The following MMP16 variants were observed in gnomAD, a reference collection of about 807,000 sequenced individuals.
MMP16 encodes the protein matrix metallopeptidase 16.
A neutral mutation model predicts 67.8 loss-of-function variants in MMP16; 12 were observed. That is an observed-to-expected ratio of 0.18 (90% CI 0.11 to 0.29). The LOEUF is 0.29. Among genes scored for constraint, MMP16 ranks in the 10% least tolerant of loss-of-function variants. The pLI, the probability that MMP16 is intolerant of heterozygous loss-of-function variation, is 1.00. For synonymous variants in MMP16, 249 were observed against 255.9 expected, an observed-to-expected ratio of 0.97 and a Z score of 0.26; for missense variants, 475 against 765.7, an observed-to-expected ratio of 0.62 and a Z score of 4.48.
intron 2 of MMP16, among the ~76,000 whole-genome samples, chr8:88,195,953 A>C (rs1809242790): frequency 6.6e-6 from 1 of 152,298 alleles, no homozygotes; most frequent in Non-Finnish European, 1.5e-5. Flanking sequence ...TAGATGGCAA[A>C]ATTTTGAAAT....
intron 1 of MMP16, among the ~76,000 whole-genome samples, chr8:88,226,997 T>C (rs1260157454): frequency 6.6e-6 from 1 of 152,058 alleles, no homozygotes; most frequent in Non-Finnish European, 1.5e-5. Context: ...CTGGATATTG[T>C]TTCTTCTTCT....
At chr8:88,055,649 T>G (rs1179038245) in intron 8 of MMP16, among the ~76,000 whole-genome samples, 1 of 152,236 alleles carries the variant, frequency 6.6e-6, no homozygotes, top group African/African-American at 2.4e-5. Context: ...CAGTGATAGT[T>G]TGACTATGGT....
At chr8:88,206,324 TATG>T (rs1056699032) in intron 1 of MMP16, among the ~76,000 whole-genome samples, 3 of 152,068 alleles carry the variant, frequency 2.0e-5, no homozygotes, top group Non-Finnish European at 4.4e-5. Flanking sequence ...GTGGTTTCGT[TATG>T]ATGATGATGA....
chr8:88,191,881 T>C (rs773733433), intron 2 of MMP16, among the ~76,000 whole-genome samples: 10 of 152,182 alleles, frequency 6.6e-5, no homozygotes, highest in Non-Finnish European at 1.5e-4. Context: ...GGAAACGTCA[T>C]CCCTTGCAGC....
chr8:88,123,452 T>C (rs777653836), intron 4 of MMP16, among the ~76,000 whole-genome samples: 4 of 151,706 alleles, frequency 2.6e-5, no homozygotes, highest in Non-Finnish European at 5.9e-5. Context: ...GTTGTACCTA[T>C]GCTATTACTC....
intron 4 of MMP16, among the ~76,000 whole-genome samples, chr8:88,123,674 C>T (rs931449038): frequency 1.3e-5 from 2 of 151,878 alleles, no homozygotes; most frequent in African/African-American, 4.8e-5. Flanking sequence ...CAGTAAAGCT[C>T]TCAGAGGCTA....
intron 6 of MMP16, among the ~76,000 whole-genome samples, chr8:88,081,156 C>A (rs1808744695): frequency 6.6e-6 from 1 of 152,032 alleles, no homozygotes. Context: ...AACACTAAGC[C>A]TAAGACAGAC....
intron 6 of MMP16, among the ~76,000 whole-genome samples, chr8:88,104,346 T>G (rs2118389053): frequency 6.6e-6 from 1 of 151,884 alleles, no homozygotes; most frequent in Middle Eastern, 3.4e-3. Flanking sequence ...TCTTCATAAT[T>G]AATGTTTCAA....
rs1406955771 is a variant in MMP16 at position 88,033,063 on chromosome 8, T to C, written c.*8398A>G. ...TTTAATGTTATTTAAATAAAGTCTG[T>C]ATTAATTTTAATTCTTTTACTTTCC... On this transcript the variant is annotated 3_prime_UTR_variant, in exon 10 of 10. Transcript: ENST00000286614. 3.3e-5 allele frequency: 5 copies of C among 152,006 alleles called. 1 individual carries two copies. Among genetic ancestry groups the C allele is most frequent in the Middle Eastern group, 6.3e-3 (2 of 316 alleles). The allele number at this position is 152,006 out of a possible 1,614,324, so 9.4% of individuals were successfully genotyped here.
intron 7 of MMP16, among the ~76,000 whole-genome samples, chr8:88,074,023 T>C (rs1479294135): frequency 6.6e-6 from 1 of 152,200 alleles, no homozygotes; most frequent in African/African-American, 2.4e-5. Flanking sequence ...GGCAGTTGCC[T>C]AAGTTCACTT....
intron 7 of MMP16, among the ~76,000 whole-genome samples, chr8:88,064,990 C>G (rs1292281675): frequency 1.3e-5 from 2 of 152,052 alleles, no homozygotes; most frequent in Admixed American, 1.3e-4. Context: ...TGGGCCAAGG[C>G]TACACTCTTC....
intron 6 of MMP16, among the ~76,000 whole-genome samples, chr8:88,104,045 C>T (rs1390502510): frequency 6.6e-6 from 1 of 151,658 alleles, no homozygotes; most frequent in Non-Finnish European, 1.5e-5. Flanking sequence ...AAGGTTTTGC[C>T]TATTTTATTT....
chr8:88,269,931 C>T (rs956393582), intron 1 of MMP16, among the ~76,000 whole-genome samples: 1 of 152,164 alleles, frequency 6.6e-6, no homozygotes, highest in East Asian at 1.9e-4. Context: ...ACTAAAATAT[C>T]TCATATTATA....
At position 88,322,860 on chromosome 8, in the gene MMP16, G is replaced by C. The variant is rs145975054; in HGVS notation, c.132+4215C>G. Among the ~76,000 whole-genome samples, 113 of 152,142 alleles carry C rather than the reference G, an allele frequency of 7.4e-4. 2 individuals carry two copies. The highest frequency in any genetic ancestry group is 3.5e-3 in the South Asian group (17 of 4,806). ...TGAGTGATCCGGCCCAGGCAACTCTGAACAGAGAGGCATAGTCAAGGTAGA... is the reference window on the plus strand; with the variant it reads ...TGAGTGATCCGGCCCAGGCAACTCTCAACAGAGAGGCATAGTCAAGGTAGA... On this transcript the variant is annotated intron_variant, in intron 1 of 9. Transcript: ENST00000286614.
chr8:88,160,965 A>G (rs1427048292), intron 4 of MMP16, among the ~76,000 whole-genome samples: 1 of 152,012 alleles, frequency 6.6e-6, no homozygotes, highest in Non-Finnish European at 1.5e-5. Context: ...TTTATTGAGG[A>G]TTTTTGCATC....
intron 1 of MMP16, among the ~76,000 whole-genome samples, chr8:88,260,040 G>A (rs1169766817): frequency 6.6e-6 from 1 of 152,062 alleles, no homozygotes; most frequent in African/African-American, 2.4e-5. Flanking sequence ...GAGGTGAAAA[G>A]CTACATATTC....
intron 4 of MMP16, among the ~76,000 whole-genome samples, chr8:88,127,606 T>C (rs1429414682): frequency 6.6e-6 from 1 of 151,914 alleles, no homozygotes; most frequent in Non-Finnish European, 1.5e-5. Context: ...ACTCTCATTA[T>C]TTCCAAAAAC....
chr8:88,118,061 AT>A (rs1230617723), intron 5 of MMP16, among the ~76,000 whole-genome samples: 1 of 152,040 alleles, frequency 6.6e-6, no homozygotes, highest in African/African-American at 2.4e-5. Flanking sequence ...CTTAATTTGC[AT>A]TCATTGAGTG....
chr8:88,167,621 T>G, intron 4 of MMP16, 48 bp downstream of exon 4: 5 of 1,488,554 alleles, frequency 3.4e-6, no homozygotes, highest in Non-Finnish European at 4.5e-6. Context: ...TTGGTTATTC[T>G]GAAATAATAA....
Sources: gnomAD v4.1 joint callset for allele counts (sites outside exome capture counted in the v4.1 genomes callset) on GRCh38, gnomAD v4.1.1 for gene constraint, MANE v1.5 for transcripts, NCBI Gene and HGNC (gene_info 2026-07-23, HGNC 2026-07-21) for gene names.